The following CUBN variants were observed in gnomAD, a reference collection of about 807,000 sequenced individuals.
The protein encoded by CUBN is 460 kDa receptor.
A neutral mutation model predicts 405.3 loss-of-function variants in CUBN; 282 were observed. The ratio of observed to expected loss-of-function variants is 0.70; its 90% CI spans 0.63 to 0.77. CUBN has a LOEUF of 0.77. CUBN is among the 30% of genes least tolerant of loss of function. CUBN has a pLI of 0.00. For missense variants in CUBN, 4,514 were observed against 4,475.2 expected, an observed-to-expected ratio of 1.01 and a Z score of -0.25; for synonymous variants, 1,684 against 1,617.0, an observed-to-expected ratio of 1.04 and a Z score of -0.99.
chr10:17,099,819 T>A (rs1224332960), intron 14 of CUBN, among the ~76,000 whole-genome samples, 186 bp downstream of exon 14: 2 of 151,662 alleles, frequency 1.3e-5, no homozygotes, highest in African/African-American at 4.8e-5. Flanking sequence ...GCCACTGCAC[T>A]CCAGCCTGGG....
chr10:17,019,958 C>T lies in CUBN; in HGVS notation c.4043G>A (p.Gly1348Glu), dbSNP rs1281495413. The T allele has an allele frequency of 1.2e-6, 2 of 1,614,012 alleles. No individual in the cohort carries two copies. The highest frequency in any genetic ancestry group is 1.3e-5 in the African/African-American group (1 of 74,922). ...GGGCAGGTCTACTCCACAGTAGCGT[C>T]CCATCTGCCGTGGTCCATCATAGAG... The part of the protein sequence containing the change: ...LELYDGPRQM[G>E]RYCGVDLPPP... The change falls in exon 28 of 67, where the codon GGA (glycine) becomes GAA (glutamate). Residue 1348 changes from glycine to glutamate, a missense_variant. Transcript: ENST00000377833.
chr10:17,038,652 G>A (rs1053726602), intron 27 of CUBN, among the ~76,000 whole-genome samples: 2 of 152,140 alleles, frequency 1.3e-5, no homozygotes, highest in African/African-American at 2.4e-5. Context: ...ACCCAGAAGC[G>A]ATTAAAATAA....
chr10:17,068,626 T>G lies in CUBN; in HGVS notation c.2770A>C (p.Lys924Gln). ...TTACCCAAATCCTCAGCACTGAACT[T>G]AGCCATGAAACCATGGTTTTCAGTA... is the stretch of plus-strand genomic sequence containing the variant. The part of the protein sequence containing the change: ...SSTENHGFMA[K>Q]FSAEDLACGE... Residue 924 changes from lysine (K) to glutamine (Q), a missense_variant, in exon 20 of 67, where the codon AAG (lysine) becomes CAG (glutamine). Coordinates refer to ENST00000377833, the MANE Select transcript of CUBN (RefSeq NM_001081.4). 6.2e-7 allele frequency: 1 copy of G among 1,613,044 alleles called. No individual in the cohort carries two copies. Among genetic ancestry groups the G allele is most frequent in the Non-Finnish European group, 8.5e-7 (1 of 1,179,328 alleles).
At chr10:16,989,401 T>C (rs1833516422) in intron 29 of CUBN, among the ~76,000 whole-genome samples, 1 of 148,342 alleles carries the variant, frequency 6.7e-6, no homozygotes, top group African/African-American at 2.4e-5. Context: ...TAATTTATAG[T>C]GTAAGTATAT....
In CUBN at chr10:17,104,538, A is replaced by G. The variant is rs544840639; in HGVS notation, c.1298T>C (p.Ile433Thr). 15 of 1,613,882 alleles carry G rather than the reference A, an allele frequency of 9.3e-6. No individual in the cohort carries two copies. In the South Asian group the frequency reaches 1.6e-4, roughly 18 times the overall value. The change falls in exon 12 of 67, where the codon ATC becomes ACC. Residue 433 changes from isoleucine (I) to threonine (T), a missense_variant. Ile to Thr is a moderately conservative substitution (Grantham distance 89). Coordinates refer to ENST00000377833, the MANE Select transcript of CUBN (RefSeq NM_001081.4). ...GWTGVNCTEN[I>T]NECLSNPCLN... ...ACAGGGGTTGCTCAAACACTCATTG[A>G]TGTTTTCTGTACAGTTGACACCTGT...
At chr10:16,830,204 T>C (rs139148708) in intron 65 of CUBN, among the ~76,000 whole-genome samples, 131 of 152,304 alleles carry the variant, frequency 8.6e-4, no homozygotes, top group African/African-American at 3.1e-3. Context: ...CCAGGGATTA[T>C]AGGTGTGAGC....
rs1296822529 is a variant in CUBN, at chr10:16,918,791, G to A, written c.6831C>T (p.Ser2277=). The part of the protein sequence containing the change: ...FDIEVTPNCT[S]NYLELRDGVD... Reference sequence around the variant, plus strand: ...CTCCATCCCGCAACTCAAGGTAGTTGGAAGTACAGCTGAAGTGGGAACAAA... The same window carrying A: ...CTCCATCCCGCAACTCAAGGTAGTTAGAAGTACAGCTGAAGTGGGAACAAA... Residue 2277 remains serine, a synonymous_variant, in exon 45 of 67, where the codon TCC becomes TCT. Coordinates refer to ENST00000377833, the MANE Select transcript of CUBN (RefSeq NM_001081.4). The A allele has an allele frequency of 2.5e-6, 4 of 1,613,424 alleles. No homozygotes were observed. The highest frequency in any genetic ancestry group is 1.3e-5 in the African/African-American group (1 of 74,842).
At chr10:16,882,398 AT>A (rs1375593533) in intron 56 of CUBN, among the ~76,000 whole-genome samples, 2 of 152,294 alleles carry the variant, frequency 1.3e-5, no homozygotes, top group Middle Eastern at 3.4e-3. Flanking sequence ...AAACATATTC[AT>A]CGTTTGCAAT....
intron 40 of CUBN, among the ~76,000 whole-genome samples, chr10:16,932,677 G>C (rs181470837): frequency 8.2e-4 from 124 of 152,092 alleles, no homozygotes; most frequent in Middle Eastern, 3.4e-3. Flanking sequence ...CCTTCTCCTC[G>C]ACCTCCCAAA....
At chr10:17,010,073 G>T (rs1341766572) in intron 28 of CUBN, among the ~76,000 whole-genome samples, 3 of 152,170 alleles carry the variant, frequency 2.0e-5, no homozygotes, top group Non-Finnish European at 4.4e-5. Flanking sequence ...AGATTCACGG[G>T]CCTTGCCCCA....
intron 43 of CUBN, among the ~76,000 whole-genome samples, chr10:16,922,020 T>A (rs764670968): frequency 2.0e-5 from 3 of 152,198 alleles, no homozygotes; most frequent in Non-Finnish European, 4.4e-5. Flanking sequence ...ACACTCTGCA[T>A]CCACTCTTAC....
chr10:16,828,237 C>G (rs1029922391), intron 66 of CUBN, among the ~76,000 whole-genome samples: 1 of 152,020 alleles, frequency 6.6e-6, no homozygotes, highest in Non-Finnish European at 1.5e-5. Context: ...TCGGTGGGAA[C>G]TGGAAGTCTA....
chr10:17,008,356 T>TGGG (rs1368704173), intron 28 of CUBN, among the ~76,000 whole-genome samples: 2 of 125,630 alleles, frequency 1.6e-5, no homozygotes, highest in African/African-American at 3.0e-5. Context: ...GTGTGTGTGG[T>TGGG]GTGTGTGTGT....
intron 60 of CUBN, among the ~76,000 whole-genome samples, chr10:16,845,804 G>T (rs992498565): frequency 3.3e-5 from 5 of 152,200 alleles, no homozygotes; most frequent in African/African-American, 1.2e-4. Context: ...CTCAGCTCCA[G>T]TGTCTGACAC....
At position 16,920,038 on chromosome 10, in the gene CUBN, C is replaced by A; in HGVS notation, c.6746G>T (p.Trp2249Leu). 6.2e-7 allele frequency: 1 copy of A among 1,613,846 alleles called. No homozygotes were observed. The highest frequency in any genetic ancestry group is 8.5e-7 in the Non-Finnish European group (1 of 1,179,950). ...HNYPPHADCI[W>L]ILAAPPETRI... ...TGTTTCCGGTGGAGCCGCTAAGATC[C>A]AAATGCAATCAGCGTGCGGGGGATA... The change falls in exon 44 of 67, where the codon TGG becomes TTG. Residue 2249 changes from tryptophan (W) to leucine (L), a missense_variant. By Grantham distance (61) the Trp-to-Leu change is moderately conservative. Transcript: ENST00000377833.
chr10:17,073,724 G>A (rs556934490), intron 17 of CUBN, among the ~76,000 whole-genome samples: 11 of 152,220 alleles, frequency 7.2e-5, no homozygotes, highest in South Asian at 6.2e-4. Flanking sequence ...GGGATTACAC[G>A]CGTGAGCCAC....
intron 7 of CUBN, among the ~76,000 whole-genome samples, chr10:17,114,928 A>T (rs71495249): frequency 0.15 from 23,087 of 152,152 alleles, 2,011 homozygotes; most frequent in Middle Eastern, 0.31. Flanking sequence ...TCTCAGAGAG[A>T]GTCATGACGG....
intron 34 of CUBN, among the ~76,000 whole-genome samples, chr10:16,949,133 C>T (rs141099267): frequency 9.2e-5 from 14 of 152,290 alleles, no homozygotes; most frequent in African/African-American, 3.1e-4. Context: ...GATTGACCTA[C>T]TATTTATAAC....
rs1466471337 is a variant in CUBN at position 17,109,726 on chromosome 10, C to A, written c.1025G>T (p.Gly342Val). ...HCQACPPGYQ[G>V]DGRVCTLTDI... is the part of the protein sequence containing the mutation. The stretch of plus-strand genomic sequence containing the variant: ...TGTGAGTGTGCACACTCTTCCGTCA[C>A]CCTGGTACCCTGATGAGAACAAGAG... Residue 342 changes from glycine (G) to valine (V), a missense_variant, in exon 10 of 67, where the codon GGT (glycine) becomes GTT (valine). Physicochemically the swap from Gly to Val is moderately radical, Grantham distance 109 (BLOSUM62 -3). Coordinates refer to ENST00000377833, the MANE Select transcript of CUBN (RefSeq NM_001081.4). 1 of 1,613,414 alleles carries A rather than the reference C, an allele frequency of 6.2e-7. No homozygotes were observed. Among genetic ancestry groups the A allele is most frequent in the Non-Finnish European group, 8.5e-7 (1 of 1,179,686 alleles).
Sources: gnomAD v4.1 joint callset for allele counts (sites outside exome capture counted in the v4.1 genomes callset) on GRCh38, gnomAD v4.1.1 for gene constraint, MANE v1.5 for transcripts, NCBI Gene and HGNC (gene_info 2026-07-23, HGNC 2026-07-21) for gene names.